Variants in BCAS3 observed in about 807,000 individuals in gnomAD.
The protein encoded by BCAS3 is BCAS3 microtubule associated cell migration factor.
BCAS3 carries 53 observed loss-of-function variants against 116.1 expected under a neutral mutation model. That is an observed-to-expected ratio of 0.46 (90% CI 0.37 to 0.57). The LOEUF (loss-of-function observed/expected upper bound fraction) is 0.57, where lower values mean the gene tolerates loss of function less well. Among genes scored for constraint, BCAS3 ranks in the 20% least tolerant of loss-of-function variants. BCAS3 has a pLI of 0.00. For missense variants in BCAS3, 917 were observed against 1,165.4 expected (o/e 0.79, Z 3.10); for synonymous variants, 391 against 408.2 (o/e 0.96, Z 0.51).
chr17:61,343,031 C>A lies in BCAS3; in HGVS notation c.2426-25296C>A, dbSNP rs569875426. Among the ~76,000 whole-genome samples, 173 of 152,252 alleles carry A rather than the reference C, an allele frequency of 1.1e-3. No individual in the cohort carries two copies. Among genetic ancestry groups the A allele is most frequent in the Non-Finnish European group, 2.0e-3 (138 of 68,020 alleles). On this transcript the variant is annotated intron_variant, in intron 22 of 23. Coordinates refer to ENST00000407086, the MANE Select transcript of BCAS3 (RefSeq NM_017679.5). The surrounding 1 kb of genome is among the most constrained non-coding windows in gnomAD (Gnocchi z 5.5). ...CCTCCCAAAGTGCTGGGATTACAGGCGTGAGCCACTGAGCCCAGCCGAGAT... is the reference window on the plus strand; with the variant it reads ...CCTCCCAAAGTGCTGGGATTACAGGAGTGAGCCACTGAGCCCAGCCGAGAT...
At chr17:60,882,610 A>AT (rs2056275481) in intron 9 of BCAS3, among the ~76,000 whole-genome samples, 1 of 151,620 alleles carries the variant, frequency 6.6e-6, no homozygotes, top group African/African-American at 2.4e-5. Flanking sequence ...TCTTGAATTG[A>AT]TTTTTGTATA....
At chr17:61,182,631 A>G (rs1379478006) in intron 22 of BCAS3, among the ~76,000 whole-genome samples, 1 of 152,160 alleles carries the variant, frequency 6.6e-6, no homozygotes, top group Non-Finnish European at 1.5e-5. Flanking sequence ...GAATATTCCT[A>G]TTACCCTGTG....
At chr17:61,166,940 A>G (rs1182526452) in intron 22 of BCAS3, among the ~76,000 whole-genome samples, 1 of 151,470 alleles carries the variant, frequency 6.6e-6, no homozygotes, top group Non-Finnish European at 1.5e-5. Flanking sequence ...CCATCTCTAC[A>G]ACAATGTGGA....
Position 61,380,647 on chromosome 17 carries a change from C to T in BCAS3, c.2594-11330C>T. ...CTTTTGTCCCTCAAGAGGGTGCCCT[C>T]CTACCCCCTCGTGCCCAGGCCCAGG... On this transcript the variant is annotated intron_variant, in intron 23 of 23. Coordinates refer to ENST00000407086, the MANE Select transcript of BCAS3 (RefSeq NM_017679.5). This position sits in a 1 kb window ranked among gnomAD's most constrained non-coding sequence, Gnocchi z 4.2. The T allele has an allele frequency of 7.0e-7, 1 of 1,419,436 alleles. No individual in the cohort carries two copies. The highest frequency in any genetic ancestry group is 1.2e-5 in the South Asian group (1 of 84,214). The allele number at this position is 1,419,436 out of a possible 1,614,324, so 87.9% of individuals were successfully genotyped here. A position where few individuals can be genotyped will look rare whatever the true frequency, so the allele number is the denominator to read the frequency against.
intron 22 of BCAS3, among the ~76,000 whole-genome samples, chr17:61,093,617 G>C (rs2073772795): frequency 6.6e-6 from 1 of 152,158 alleles, no homozygotes; most frequent in Non-Finnish European, 1.5e-5. Context: ...TTTTGATGTA[G>C]GGCAGGGATC....
At position 60,926,465 on chromosome 17, in the gene BCAS3, C is replaced by T. The variant is rs146863143; in HGVS notation, c.1087+1965C>T. Among the ~76,000 whole-genome samples the T allele has an allele frequency of 9.0e-3, 1,368 of 152,162 alleles. 23 individuals carry two copies. Among genetic ancestry groups the T allele is most frequent in the African/African-American group, 0.032 (1,310 of 41,496 alleles). On this transcript the variant is annotated intron_variant, in intron 13 of 23. Transcript: ENST00000407086. ...TTTATAAAGCACTTTAAATAATCTACCCTCTAATATCTTAATAAGTCATCT... is the reference window on the plus strand; with the variant it reads ...TTTATAAAGCACTTTAAATAATCTATCCTCTAATATCTTAATAAGTCATCT...
At chr17:61,318,268 G>A (rs1196034525) in intron 22 of BCAS3, among the ~76,000 whole-genome samples, 1 of 152,236 alleles carries the variant, frequency 6.6e-6, no homozygotes, top group Non-Finnish European at 1.5e-5. Flanking sequence ...TTCTACAGGT[G>A]ACGTCCATCT....
rs560202926 is a variant in BCAS3, at chr17:61,125,216, G to A, written c.2425+40652G>A. 1.5e-4 allele frequency among the ~76,000 whole-genome samples: 23 copies of A among 152,214 alleles called. No homozygotes were observed. The South Asian group carries it at 4.4e-3, about 29-fold the overall frequency. On this transcript the variant is annotated intron_variant, in intron 22 of 23. Coordinates refer to ENST00000407086, the MANE Select transcript of BCAS3 (RefSeq NM_017679.5). ...ATATTTAATTAAATACTTCATACTG[G>A]TTTGGGCAGAGCTACTCACTTGAAC...
intron 5 of BCAS3, among the ~76,000 whole-genome samples, chr17:60,717,471 C>T (rs1465973199): frequency 6.6e-6 from 1 of 152,078 alleles, no homozygotes; most frequent in East Asian, 1.9e-4. Context: ...CTTCCCGGGC[C>T]TCCCAAAGTG....
intron 22 of BCAS3, among the ~76,000 whole-genome samples, chr17:61,149,502 T>A (rs1471467694): frequency 6.6e-6 from 1 of 152,194 alleles, no homozygotes; most frequent in African/African-American, 2.4e-5. Context: ...AGATTTTTAA[T>A]GGCAACTTTG....
At position 61,368,281 on chromosome 17, in the gene BCAS3, C is replaced by A; in HGVS notation, c.2426-46C>A. 1 of 1,544,920 alleles carries A rather than the reference C, an allele frequency of 6.5e-7. No individual in the cohort carries two copies. Among genetic ancestry groups the A allele is most frequent in the South Asian group, 1.2e-5 (1 of 81,932 alleles). On this transcript the variant is annotated intron_variant, in intron 22 of 23. Coordinates refer to ENST00000407086, the MANE Select transcript of BCAS3 (RefSeq NM_017679.5). The surrounding 1 kb of genome is among the most constrained non-coding windows in gnomAD (Gnocchi z 6.0). ...GGGAGGTAGACAAGAATGGCCTGCT[C>A]CCTGAAGGTGTGGACTCAACGTCAG...
At chr17:60,718,101 T>C (rs1280828920) in intron 5 of BCAS3, among the ~76,000 whole-genome samples, 1 of 152,222 alleles carries the variant, frequency 6.6e-6, no homozygotes, top group East Asian at 1.9e-4. Flanking sequence ...GGCAGTAATG[T>C]GCGCGATGGA....
At chr17:61,210,733 T>C (rs528177334) in intron 22 of BCAS3, among the ~76,000 whole-genome samples, 35 of 152,224 alleles carry the variant, frequency 2.3e-4, no homozygotes, top group African/African-American at 7.9e-4. Context: ...AGTAATAACA[T>C]ACATGAATGA....
chr17:61,220,851 A>G lies in BCAS3; in HGVS notation c.2425+136287A>G, dbSNP rs1395241731. On this transcript the variant is annotated intron_variant, in intron 22 of 23. Coordinates refer to ENST00000407086, the MANE Select transcript of BCAS3 (RefSeq NM_017679.5). This position sits in a 1 kb window ranked among gnomAD's most constrained non-coding sequence, Gnocchi z 4.5. ...CGCGGTGGCTCACGCCTGTAATCCC[A>G]GCACTTTGGGAGGCCGAGGTGGGTG... 6.6e-6 allele frequency among the ~76,000 whole-genome samples: 1 copy of G among 152,224 alleles called. No individual in the cohort carries two copies. Among genetic ancestry groups the G allele is most frequent in the Non-Finnish European group, 1.5e-5 (1 of 68,030 alleles).
intron 5 of BCAS3, among the ~76,000 whole-genome samples, chr17:60,734,037 A>G (rs946417190): frequency 1.1e-4 from 16 of 152,060 alleles, no homozygotes; most frequent in Admixed American, 6.6e-4. Flanking sequence ...TTTTTCTTAC[A>G]TGGATGGTGC....
intron 14 of BCAS3, among the ~76,000 whole-genome samples, chr17:60,963,760 T>C (rs1303983530): frequency 6.6e-6 from 1 of 152,170 alleles, no homozygotes; most frequent in Non-Finnish European, 1.5e-5. Flanking sequence ...TTTCACTGTG[T>C]TAGCCAGGAT....
In BCAS3 at chr17:61,224,027, A is replaced by G. The variant is rs1015000732; in HGVS notation, c.2425+139463A>G. 1.3e-5 allele frequency among the ~76,000 whole-genome samples: 2 copies of G among 152,136 alleles called. No individual in the cohort carries two copies. Among genetic ancestry groups the G allele is most frequent in the African/African-American group, 2.4e-5 (1 of 41,416 alleles). On this transcript the variant is annotated intron_variant, in intron 22 of 23. Transcript: ENST00000407086. The surrounding 1 kb of genome is among the most constrained non-coding windows in gnomAD (Gnocchi z 5.7). ...GTCAGAGTGAAGTTGTTAATCTTCA[A>G]TTTTTTTCAACCACCTCTAATTGAG... is the stretch of plus-strand genomic sequence containing the variant.
chr17:61,031,103 T>G (rs2145586318), intron 16 of BCAS3, among the ~76,000 whole-genome samples: 1 of 152,132 alleles, frequency 6.6e-6, no homozygotes, highest in Middle Eastern at 3.4e-3. Context: ...AGAAATTCTT[T>G]CTAAACTTGC....
intron 10 of BCAS3, among the ~76,000 whole-genome samples, chr17:60,897,394 C>G (rs2057583683): frequency 6.6e-6 from 1 of 152,046 alleles, no homozygotes; most frequent in African/African-American, 2.4e-5. Context: ...TAGAGAAGAC[C>G]TTTTTCCATT....
Sources: gnomAD v4.1 joint callset for allele counts (sites outside exome capture counted in the v4.1 genomes callset) on GRCh38, gnomAD v4.1.1 for gene constraint, Gnocchi (gnomAD v3.1) non-coding constraint, MANE v1.5 for transcripts, NCBI Gene and HGNC (gene_info 2026-07-23, HGNC 2026-07-21) for gene names.